The following TMEM220 variants were observed in gnomAD, a reference collection of about 807,000 sequenced individuals.
The protein encoded by TMEM220 is transmembrane protein 220.
A neutral mutation model predicts 21.7 loss-of-function variants in TMEM220; 21 were observed. The ratio of observed to expected loss-of-function variants is 0.97; its 90% CI spans 0.69 to 1.39. The LOEUF (loss-of-function observed/expected upper bound fraction) is 1.39, where lower values mean the gene tolerates loss of function less well. Ranked by LOEUF, TMEM220 falls within the 40% of genes most tolerant of loss-of-function variation. The pLI, the probability that TMEM220 is intolerant of heterozygous loss-of-function variation, is 0.00. For synonymous variants in TMEM220, 80 were observed against 73.6 expected (o/e 1.09, Z -0.45); for missense variants, 191 against 201.9 (o/e 0.95, Z 0.33).
In TMEM220 at chr17:10,715,307, C is replaced by T. The variant is rs1319179945; in HGVS notation, c.*146G>A. 6 of 654,908 alleles carry T rather than the reference C, an allele frequency of 9.2e-6. No individual in the cohort carries two copies. The East Asian group carries it at 1.3e-4, about 14-fold the overall frequency. 40.6% of individuals were successfully genotyped at this position (654,908 alleles called of 1,614,324 possible). A position where few individuals can be genotyped will look rare whatever the true frequency, so the allele number is the denominator to read the frequency against. On this transcript the variant is annotated 3_prime_UTR_variant, in exon 6 of 6. Coordinates refer to ENST00000341871, the MANE Select transcript of TMEM220 (RefSeq NM_001004313.3). ...TTACTTGTCCCATCCAATCTTACAT[C>T]GAATTATATGCACCCTTAAAAAGTT...
At chr17:10,719,429 G>A (rs402976) in intron 5 of TMEM220, among the ~76,000 whole-genome samples, 77,265 of 151,846 alleles carry the variant, frequency 0.51, 20,382 homozygotes, top group African/African-American at 0.65. Context: ...CACCATGCCC[G>A]GCTAATTTTT....
At chr17:10,728,904 A>C in intron 2 of TMEM220, 127 bp downstream of exon 2, 1 of 1,009,974 alleles carries the variant, frequency 9.9e-7, no homozygotes, top group East Asian at 2.5e-5. Flanking sequence ...GCGCTTCCCA[A>C]GGGTTTGATT....
At position 10,726,206 on chromosome 17, in the gene TMEM220, G is replaced by A. The variant is rs778061838; in HGVS notation, c.161C>T (p.Thr54Ile). 1 of 1,613,284 alleles carries A rather than the reference G, an allele frequency of 6.2e-7. No homozygotes were observed. The highest frequency in any genetic ancestry group is 1.3e-5 in the African/African-American group (1 of 74,900). The change falls in exon 3 of 6, where the codon ACA (threonine) becomes ATA (isoleucine). Residue 54 changes from threonine to isoleucine, a missense_variant and splice_region_variant. Physicochemically the swap from Thr to Ile is moderately conservative, Grantham distance 89. Transcript: ENST00000341871. ...CATTTAGAATGCAAGGCTTATACCT[G>A]TGACTTCAGGGTTAAGTCCAACAAG... ...TLLVGLNPEV[T>I]GNVIWKSISA...
chr17:10,724,258 C>T (rs2075023421), intron 4 of TMEM220, among the ~76,000 whole-genome samples: 1 of 152,072 alleles, frequency 6.6e-6, no homozygotes, highest in Non-Finnish European at 1.5e-5. Context: ...ACAAGACATA[C>T]CAGGGCAAGT....
rs1353087941 is a variant in TMEM220, at chr17:10,713,409, CTA to C, written c.*2042_*2043del. 4 of 152,154 alleles carry C rather than the reference CTA, an allele frequency of 2.6e-5. No homozygotes were observed. The highest frequency in any genetic ancestry group is 1.3e-4 in the Admixed American group (2 of 15,292). 9.4% of individuals were successfully genotyped at this position (152,154 alleles called of 1,614,324 possible). ...TGCTTAACTGAAGATGCGAAAGAGA[CTA>C]TGAATAGTCACATAATTTCGTAGTC... On this transcript the variant is annotated 3_prime_UTR_variant, in exon 6 of 6. Transcript: ENST00000341871.
chr17:10,724,893 C>T, intron 4 of TMEM220, 118 bp downstream of exon 4: 1 of 1,417,840 alleles, frequency 7.1e-7, no homozygotes, highest in Non-Finnish European at 9.8e-7. Flanking sequence ...CTTGCCTCCT[C>T]CACAGGGTAC....
chr17:10,716,560 C>T (rs908256042), intron 5 of TMEM220: 1 of 582,494 alleles, frequency 1.7e-6, no homozygotes, highest in Non-Finnish European at 3.4e-6. Context: ...AAAGCTGCAC[C>T]ACCGCGGTCT....
At chr17:10,723,709 A>C (rs1259273641) in intron 4 of TMEM220, among the ~76,000 whole-genome samples, 4 of 152,208 alleles carry the variant, frequency 2.6e-5, no homozygotes, top group Admixed American at 2.6e-4. Context: ...CAATACTTTT[A>C]CATTTTTAAA....
Position 10,729,797 on chromosome 17 carries a change from G to A in TMEM220, c.55C>T (p.Leu19=). ...CGCCTGACCTGCACCAAGGCCGCCA[G>A]CGCGAAGAAGGCGGCCATGAGTCCG... ...CNGLMAAFFA[L]AALVQVNDPD... Residue 19 remains leucine, a synonymous_variant, in exon 1 of 6, where the codon CTG becomes TTG. Transcript: ENST00000341871. The A allele has an allele frequency of 7.1e-7, 1 of 1,411,478 alleles. No individual in the cohort carries two copies. The highest frequency in any genetic ancestry group is 9.3e-7 in the Non-Finnish European group (1 of 1,075,384). The allele number at this position is 1,411,478 out of a possible 1,614,324, so 87.4% of individuals were successfully genotyped here.
chr17:10,722,504 T>A (rs1473279539), intron 5 of TMEM220, among the ~76,000 whole-genome samples: 1 of 152,200 alleles, frequency 6.6e-6, no homozygotes, highest in Non-Finnish European at 1.5e-5. Context: ...GTTACCCTAA[T>A]GATTACAACA....
chr17:10,718,555 A>AG (rs1310280705), intron 5 of TMEM220, among the ~76,000 whole-genome samples: 2 of 152,076 alleles, frequency 1.3e-5, no homozygotes, highest in African/African-American at 4.8e-5. Context: ...GGAAGCTTAA[A>AG]AAAAAAATGT....
intron 5 of TMEM220, among the ~76,000 whole-genome samples, chr17:10,717,810 T>A (rs1476733918): frequency 1.3e-5 from 2 of 152,096 alleles, no homozygotes; most frequent in Non-Finnish European, 2.9e-5. Context: ...AAAATTTAAA[T>A]TATGAACTCG....
In TMEM220 at chr17:10,715,366, C is replaced by T; in HGVS notation, c.*87G>A. ...TTTTAAAACTATTAGCCCAAATTAC[C>T]TGAAATAAACTCCTGGCTTGTTCCC... On this transcript the variant is annotated 3_prime_UTR_variant, in exon 6 of 6. Transcript: ENST00000341871. The T allele has an allele frequency of 7.6e-7, 1 of 1,321,982 alleles. No individual in the cohort carries two copies. Among genetic ancestry groups the T allele is most frequent in the Admixed American group, 2.6e-5 (1 of 37,826 alleles). 81.9% of individuals were successfully genotyped at this position (1,321,982 alleles called of 1,614,324 possible).
chr17:10,711,973 A>T (rs1366510709), downstream of TMEM220, among the ~76,000 whole-genome samples: 1 of 152,256 alleles, frequency 6.6e-6, no homozygotes, highest in Non-Finnish European at 1.5e-5. Flanking sequence ...TGGGCACTAT[A>T]GGGATATAAA....
At chr17:10,727,531 C>G (rs546222360) in intron 2 of TMEM220, among the ~76,000 whole-genome samples, 4 of 152,240 alleles carry the variant, frequency 2.6e-5, no homozygotes, top group African/African-American at 9.6e-5. Context: ...ACGCAGCAGT[C>G]TTTTGGAAAT....
Position 10,729,992 on chromosome 17 carries a change from G to GC in TMEM220, c.-142dup. The GC allele has an allele frequency of 9.0e-7, 1 of 1,113,900 alleles. No individual in the cohort carries two copies. The highest frequency in any genetic ancestry group is 1.1e-6 in the Non-Finnish European group (1 of 938,176). 69.0% of individuals were successfully genotyped at this position (1,113,900 alleles called of 1,614,324 possible). On this transcript the variant is annotated 5_prime_UTR_variant, in exon 1 of 6. Transcript: ENST00000341871. ...TCGGTGCCTTGGGGACACTGCCGTGGCCGTCGCTCCGCCCGGGGGCGGGGA... is the reference window on the plus strand; with the variant it reads ...TCGGTGCCTTGGGGACACTGCCGTGGCCCGTCGCTCCGCCCGGGGGCGGGGA...
chr17:10,719,639 T>C (rs1007549916), intron 5 of TMEM220, among the ~76,000 whole-genome samples: 6 of 152,184 alleles, frequency 3.9e-5, no homozygotes, highest in African/African-American at 1.4e-4. Context: ...AGAAGAAAAC[T>C]TGGGTAAGTT....
Position 10,729,826 on chromosome 17 carries a change from CA to C in TMEM220, c.25del (p.Cys9AlafsTer17), listed in dbSNP as rs1478040700. On this transcript the variant is annotated frameshift_variant, in exon 1 of 6. Transcript: ENST00000341871. LOFTEE classifies it high-confidence loss of function. MAPALWRA[C>X]NGLMAAFFAL... Reference sequence around the variant, plus strand: ...GAAGAAGGCGGCCATGAGTCCGTTGCAGGCCCGCCACAGCGCTGGCGCCATG... The same window carrying C: ...GAAGAAGGCGGCCATGAGTCCGTTGCGGCCCGCCACAGCGCTGGCGCCATG... 7.2e-7 allele frequency: 1 copy of C among 1,394,402 alleles called. No homozygotes were observed. Among genetic ancestry groups the C allele is most frequent in the African/African-American group, 1.5e-5 (1 of 67,000 alleles). 86.4% of individuals were successfully genotyped at this position (1,394,402 alleles called of 1,614,324 possible). A position where few individuals can be genotyped will look rare whatever the true frequency, so the allele number is the denominator to read the frequency against.
chr17:10,723,299 T>C lies in TMEM220; in HGVS notation c.318A>G (p.Ala106=). The change falls in exon 5 of 6, where the codon GCA becomes GCG. Residue 106 remains alanine, a synonymous_variant. Transcript: ENST00000341871. Reference sequence around the variant, plus strand: ...AGGAACTGTGGCACAGGATAATCCATGCTGTAATAATCACCAGACCAGACA... The same window carrying C: ...AGGAACTGTGGCACAGGATAATCCACGCTGTAATAATCACCAGACCAGACA... ...RELSGLVIIT[A]WIILCHSSSK... is the part of the protein sequence containing the mutation. 1 of 1,614,140 alleles carries C rather than the reference T, an allele frequency of 6.2e-7. No homozygotes were observed. Among genetic ancestry groups the C allele is most frequent in the Non-Finnish European group, 8.5e-7 (1 of 1,180,018 alleles).
Sources: allele counts gnomAD v4.1 joint callset (sites outside exome capture counted in the v4.1 genomes callset), GRCh38; gene constraint gnomAD v4.1.1; transcripts MANE v1.5; gene names NCBI Gene and HGNC (gene_info 2026-07-23, HGNC 2026-07-21).